Variants in USP24 observed in about 807,000 individuals in gnomAD.
The protein encoded by USP24 is ubiquitin specific peptidase 24.
USP24 carries 97 observed loss-of-function variants against 361.6 expected under a neutral mutation model. That is an observed-to-expected ratio of 0.27 (90% CI 0.23 to 0.32). The LOEUF (loss-of-function observed/expected upper bound fraction) is 0.32, where lower values mean the gene tolerates loss of function less well. Among genes scored for constraint, USP24 ranks in the 10% least tolerant of loss-of-function variants. USP24 has a pLI of 1.00. For synonymous variants in USP24, 1,098 were observed against 1,124.6 expected (o/e 0.98, Z 0.47); for missense variants, 2,353 against 3,165.6 (o/e 0.74, Z 6.16).
At chr1:55,101,127 G>C (rs1393539005) in intron 43 of USP24, among the ~76,000 whole-genome samples, 163 bp from the exon 44 acceptor site, 1 of 152,236 alleles carries the variant, frequency 6.6e-6, no homozygotes, top group East Asian at 1.9e-4. Context: ...TTCCTAGCTG[G>C]TGTAATTATG....
rs1477999719 is a variant in USP24, at chr1:55,172,529, A to T, written c.559-9T>A. The T allele has an allele frequency of 7.5e-6, 12 of 1,607,884 alleles. No individual in the cohort carries two copies. Among genetic ancestry groups the T allele is most frequent in the African/African-American group, 1.3e-5 (1 of 74,656 alleles). On this transcript the variant is annotated splice_polypyrimidine_tract_variant and intron_variant, in intron 3 of 67. Coordinates refer to ENST00000294383, the MANE Select transcript of USP24 (RefSeq NM_015306.3). ...GCACTTGATGTCAGGAGCTATAAAA[A>T]CATAAAGGGCAATCTAGAGTCTAAC...
In USP24 at chr1:55,099,755, G is replaced by T. The variant is rs752699533; in HGVS notation, c.5370+16C>A. 1 of 1,532,330 alleles carries T rather than the reference G, an allele frequency of 6.5e-7. No individual in the cohort carries two copies. The highest frequency in any genetic ancestry group is 1.2e-5 in the South Asian group (1 of 83,284). The allele number at this position is 1,532,330 out of a possible 1,614,324, so 94.9% of individuals were successfully genotyped here. A position where few individuals can be genotyped will look rare whatever the true frequency, so the allele number is the denominator to read the frequency against. On this transcript the variant is annotated intron_variant, in intron 45 of 67. Coordinates refer to ENST00000294383, the MANE Select transcript of USP24 (RefSeq NM_015306.3). ...AGAGTTTGAGGGAGTTAGAGGGAAA[G>T]TACAACTTTTACTACCTTGAGGTAT...
chr1:55,124,435 A>G lies in USP24; in HGVS notation c.4120+34T>C, dbSNP rs375708268. On this transcript the variant is annotated intron_variant, in intron 35 of 67. Coordinates refer to ENST00000294383, the MANE Select transcript of USP24 (RefSeq NM_015306.3). ...GAATTCTTATGGTTATTTCTTACCC[A>G]GTGTTCTCATTACTGTCTCTTTTTA... The G allele has an allele frequency of 3.3e-5, 52 of 1,586,428 alleles. 1 individual carries two copies. In the African/African-American group the frequency reaches 6.2e-4, roughly 19 times the overall value.
At chr1:55,159,376 A>T (rs950385544) in intron 9 of USP24, among the ~76,000 whole-genome samples, 23 of 152,212 alleles carry the variant, frequency 1.5e-4, no homozygotes, top group African/African-American at 5.5e-4. Flanking sequence ...ATGTTAGTAA[A>T]ATTCTGAATG....
rs1449996979 is a variant in USP24 at position 55,215,306 on chromosome 1, A to G, written c.-193T>C. 6.6e-6 allele frequency among the ~76,000 whole-genome samples: 1 copy of G among 151,506 alleles called. No homozygotes were observed. The highest frequency in any genetic ancestry group is 1.5e-5 in the Non-Finnish European group (1 of 67,866). ...TCCTGCGAGCCGAGCTAGTGCGGTG[A>G]GGCGCTCAGGCGCGGCTGCGGCCCG... On this transcript the variant is annotated 5_prime_UTR_variant, in exon 1 of 68. Transcript: ENST00000294383.
At position 55,107,298 on chromosome 1, in the gene USP24, C is replaced by T; in HGVS notation, c.4703G>A (p.Gly1568Glu). Residue 1568 changes from glycine (G) to glutamate (E), a missense_variant, in exon 40 of 68, where the codon GGG becomes GAG. Physicochemically the swap from Gly to Glu is moderately conservative, Grantham distance 98. This residue lies in a region of USP24 where 949 missense variants were observed against 1,280.5 expected (regional missense o/e 0.74). Coordinates refer to ENST00000294383, the MANE Select transcript of USP24 (RefSeq NM_015306.3). Reference sequence around the variant, plus strand: ...AAGGGTCTTGATGAGGCGTAAGTGCCCTGCCAGTAAGATGTTGTCCGCTTC... The same window carrying T: ...AAGGGTCTTGATGAGGCGTAAGTGCTCTGCCAGTAAGATGTTGTCCGCTTC... ...TSEADNILLA[G>E]HLRLIKTLLS... is the part of the protein sequence containing the mutation. 6.2e-7 allele frequency: 1 copy of T among 1,613,894 alleles called. No homozygotes were observed. Among genetic ancestry groups the T allele is most frequent in the Non-Finnish European group, 8.5e-7 (1 of 1,179,874 alleles).
At chr1:55,154,615 C>T (rs1177476245) in intron 13 of USP24, 56 bp downstream of exon 13, 1 of 1,544,056 alleles carries the variant, frequency 6.5e-7, no homozygotes, top group African/African-American at 1.4e-5. Flanking sequence ...TTCAGGACCT[C>T]AAAAGAGCTT....
At position 55,138,610 on chromosome 1, in the gene USP24, C is replaced by T. The variant is rs1281897688; in HGVS notation, c.2926G>A (p.Glu976Lys). ...TGTAGTTCTTAATGTAAACCTACCT[C>T]GACAGTGAAGGTATCTTTGGTAGAC... ...YESTKDTFTV[E>K]AHSNETIGSV... Residue 976 changes from glutamate (E) to lysine (K), a missense_variant and splice_region_variant, in exon 26 of 68, where the codon GAG becomes AAG. Around this residue, in one of 8 missense-constraint regions of USP24, gnomAD observed 949 missense variants for 1,280.5 expected, o/e 0.74. Coordinates refer to ENST00000294383, the MANE Select transcript of USP24 (RefSeq NM_015306.3). 4.4e-6 allele frequency: 7 copies of T among 1,603,570 alleles called. No individual in the cohort carries two copies. The highest frequency in any genetic ancestry group is 1.7e-5 in the Admixed American group (1 of 59,468).
chr1:55,082,048 C>T (rs959786606), intron 58 of USP24, among the ~76,000 whole-genome samples: 2 of 152,112 alleles, frequency 1.3e-5, no homozygotes, highest in Admixed American at 6.5e-5. Context: ...ACACAGAGCA[C>T]GTGATGCTGT....
intron 1 of USP24, among the ~76,000 whole-genome samples, chr1:55,201,468 G>A (rs1039290921): frequency 6.6e-6 from 1 of 151,854 alleles, no homozygotes; most frequent in Non-Finnish European, 1.5e-5. Context: ...GGGCGCAGTG[G>A]CAGGTGCCTG....
At position 55,096,397 on chromosome 1, in the gene USP24, T is replaced by C. The variant is rs1557551795; in HGVS notation, c.6061+101A>G. ...TGCTAGAACAGTAGTACAATAAAAA[T>C]AACAAAATCTGTTGTGTTTTTATAT... On this transcript the variant is annotated intron_variant, in intron 50 of 67. Coordinates refer to ENST00000294383, the MANE Select transcript of USP24 (RefSeq NM_015306.3). 2.9e-6 allele frequency: 3 copies of C among 1,028,222 alleles called. No homozygotes were observed. The African/African-American group carries it at 5.0e-5, about 17-fold the overall frequency. The allele number at this position is 1,028,222 out of a possible 1,614,324, so 63.7% of individuals were successfully genotyped here.
intron 47 of USP24, 25 bp from the exon 48 acceptor site, chr1:55,097,742 A>G: frequency 6.6e-7 from 1 of 1,525,206 alleles, no homozygotes. Context: ...AAGGAAAAAG[A>G]GCAAATCTGA....
chr1:55,174,742 T>C lies in USP24; in HGVS notation c.558+1634A>G, dbSNP rs145194717. 6.6e-5 allele frequency among the ~76,000 whole-genome samples: 10 copies of C among 152,382 alleles called. No individual in the cohort carries two copies. The East Asian group carries it at 1.9e-3, about 29-fold the overall frequency. On this transcript the variant is annotated intron_variant, in intron 3 of 67. Transcript: ENST00000294383. ...TTTCCTTTTAAGTTTATGCATCCAC[T>C]GTGATGTGTGTCACAGTATGTTACA...
At position 55,141,647 on chromosome 1, in the gene USP24, T is replaced by C. The variant is rs1646892409; in HGVS notation, c.2719A>G (p.Thr907Ala). 2.5e-6 allele frequency: 4 copies of C among 1,612,354 alleles called. No individual in the cohort carries two copies. Among genetic ancestry groups the C allele is most frequent in the Non-Finnish European group, 2.5e-6 (3 of 1,179,172 alleles). Residue 907 changes from threonine to alanine, a missense_variant, in exon 24 of 68, where the codon ACT becomes GCT. Around this residue, in one of 8 missense-constraint regions of USP24, gnomAD observed 949 missense variants for 1,280.5 expected, o/e 0.74. Transcript: ENST00000294383. ...TKMLTATAMPTVATSVQSPYR... is the reference protein window; with the variant it reads ...TKMLTATAMPAVATSVQSPYR... ...GGAGACTGAACTGAGGTTGCTACAG[T>C]TGGCATGGCAGTTGCTGTAAGCATT...
At chr1:55,139,558 T>C (rs1229283633) in intron 24 of USP24, among the ~76,000 whole-genome samples, 3 of 152,208 alleles carry the variant, frequency 2.0e-5, no homozygotes, top group Non-Finnish European at 2.9e-5. Flanking sequence ...CAGACTGCAA[T>C]ATTCATCAGC....
intron 43 of USP24, 49 bp from the exon 44 acceptor site, chr1:55,101,013 C>T: frequency 1.3e-6 from 2 of 1,585,434 alleles, no homozygotes; most frequent in Non-Finnish European, 1.7e-6. Flanking sequence ...AAATGCTTCA[C>T]AGGAAACTCT....
intron 8 of USP24, among the ~76,000 whole-genome samples, chr1:55,161,176 A>G (rs1467782822): frequency 1.3e-5 from 2 of 152,094 alleles, no homozygotes; most frequent in South Asian, 2.1e-4. Context: ...GTTTGAGACC[A>G]GCCTGGCCAG....
chr1:55,212,415 G>T, intron 1 of USP24, among the ~76,000 whole-genome samples: 1 of 152,034 alleles, frequency 6.6e-6, no homozygotes, highest in East Asian at 1.9e-4. Flanking sequence ...TTCAAATTCA[G>T]CCCCTGCCAC....
chr1:55,159,347 T>C (rs1648027459), intron 9 of USP24, among the ~76,000 whole-genome samples: 1 of 152,232 alleles, frequency 6.6e-6, no homozygotes, highest in African/African-American at 2.4e-5. Flanking sequence ...TCTATGCCAA[T>C]TGTGATACCA....
Sources: allele counts gnomAD v4.1 joint callset (sites outside exome capture counted in the v4.1 genomes callset), GRCh38; gene constraint gnomAD v4.1.1; regional missense constraint gnomAD v4.1.1; transcripts MANE v1.5; gene names NCBI Gene and HGNC (gene_info 2026-07-23, HGNC 2026-07-21).